Variants in QSER1 observed in about 807,000 individuals in gnomAD.
The protein encoded by QSER1 is glutamine and serine rich 1.
A neutral mutation model predicts 158.5 loss-of-function variants in QSER1; 49 were observed. That is an observed-to-expected ratio of 0.31 (90% CI 0.25 to 0.39). The LOEUF (loss-of-function observed/expected upper bound fraction) is 0.39. Among genes scored for constraint, QSER1 ranks in the 10% least tolerant of loss-of-function variants. The pLI is 1.00. For synonymous variants in QSER1, 650 were observed against 715.5 expected, an observed-to-expected ratio of 0.91 and a Z score of 1.46; for missense variants, 1,754 against 2,010.3, an observed-to-expected ratio of 0.87 and a Z score of 2.44.
intron 3 of QSER1, among the ~76,000 whole-genome samples, chr11:32,929,065 T>C (rs955252136): frequency 6.6e-6 from 1 of 152,128 alleles, no homozygotes; most frequent in Non-Finnish European, 1.5e-5. Context: ...TTTTTACTCT[T>C]GTATAGTTTG....
chr11:32,893,990 C>T lies in QSER1; in HGVS notation c.209+656C>T, dbSNP rs372474384. Reference sequence around the variant, plus strand: ...CGCGTTCAAAGTTGCTCTTAGGTTTCCTCCCCTTTTAACAACAGCAGGAAG... The same window carrying T: ...CGCGTTCAAAGTTGCTCTTAGGTTTTCTCCCCTTTTAACAACAGCAGGAAG... On this transcript the variant is annotated intron_variant, in intron 1 of 12. Coordinates refer to ENST00000650167, the MANE Select transcript of QSER1 (RefSeq NM_001076786.3). This position sits in a 1 kb window ranked among gnomAD's most constrained non-coding sequence, Gnocchi z 4.7. Among the ~76,000 whole-genome samples, 2 of 152,084 alleles carry T rather than the reference C, an allele frequency of 1.3e-5. No homozygotes were observed. Among genetic ancestry groups the T allele is most frequent in the Non-Finnish European group, 2.9e-5 (2 of 68,018 alleles).
intron 8 of QSER1, among the ~76,000 whole-genome samples, chr11:32,965,812 G>A (rs1852731538): frequency 6.6e-6 from 1 of 152,066 alleles, no homozygotes; most frequent in East Asian, 1.9e-4. Flanking sequence ...ATGGTGGTGT[G>A]TACCTATAAT....
intron 1 of QSER1, among the ~76,000 whole-genome samples, chr11:32,922,714 A>G (rs1851914626): frequency 6.6e-6 from 1 of 151,482 alleles, no homozygotes; most frequent in Admixed American, 6.6e-5. Flanking sequence ...TGAACTCCTG[A>G]CTTCAAGCGA....
In QSER1 at chr11:32,932,108, G is replaced by A; in HGVS notation, c.850G>A (p.Ala284Thr). ...LQPQFSLLPS[A>T]LGGSQQTPQA... ...ACCTCAATTTAGTTTGTTGCCTTCA[G>A]CACTTGGGGGATCCCAGCAGACTCC... Residue 284 changes from alanine (A) to threonine (T), a missense_variant, in exon 4 of 13, where the codon GCA becomes ACA. This residue lies in a region of QSER1 where 1,707 missense variants were observed against 1,919.6 expected (regional missense o/e 0.89). Coordinates refer to ENST00000650167, the MANE Select transcript of QSER1 (RefSeq NM_001076786.3). 1 of 1,614,124 alleles carries A rather than the reference G, an allele frequency of 6.2e-7. No homozygotes were observed. The highest frequency in any genetic ancestry group is 8.5e-7 in the Non-Finnish European group (1 of 1,180,024).
At chr11:32,959,589 C>T (rs1057289556) in intron 8 of QSER1, among the ~76,000 whole-genome samples, 1 of 152,040 alleles carries the variant, frequency 6.6e-6, no homozygotes, top group Admixed American at 6.5e-5. Context: ...GTAATTTTGG[C>T]AGAACTTGAA....
At chr11:32,926,194 AAGTT>A (rs752191463) in intron 1 of QSER1, 5 of 151,888 alleles carry the variant, frequency 3.3e-5, no homozygotes, top group Admixed American at 2.0e-4. Flanking sequence ...CACTGATACT[AAGTT>A]AGAGAAATAA....
intron 5 of QSER1, among the ~76,000 whole-genome samples, chr11:32,954,683 T>C (rs1413060123): frequency 1.3e-5 from 2 of 152,140 alleles, no homozygotes; most frequent in Non-Finnish European, 2.9e-5. Flanking sequence ...TTTTTTGCCT[T>C]TTTATGTATT....
chr11:32,969,142 A>G lies in QSER1; in HGVS notation c.5204A>G (p.Lys1735Arg), dbSNP rs1852804284. The stretch of plus-strand genomic sequence containing the variant: ...AATCTTCATTTGGATCAATCATTCA[A>G]GGTATTTCCTTCTGATGACTTATTA... ...LLNLHLDQSF[K>R]NALESFPELT... The change falls in exon 10 of 13, where the codon AAG (lysine) becomes AGG (arginine). Residue 1735 changes from lysine (K) to arginine (R), a missense_variant and splice_region_variant. Transcript: ENST00000650167. 1 of 1,564,170 alleles carries G rather than the reference A, an allele frequency of 6.4e-7. No homozygotes were observed. Among genetic ancestry groups the G allele is most frequent in the Non-Finnish European group, 8.7e-7 (1 of 1,143,892 alleles).
intron 4 of QSER1, among the ~76,000 whole-genome samples, chr11:32,952,592 A>G (rs934236824): frequency 6.6e-6 from 1 of 152,080 alleles, no homozygotes; most frequent in Admixed American, 6.6e-5. Context: ...TGGTTTTGGT[A>G]TTGGAATAAT....
chr11:32,935,216 C>G lies in QSER1; in HGVS notation c.3958C>G (p.Pro1320Ala). The G allele has an allele frequency of 1.2e-6, 2 of 1,613,940 alleles. No homozygotes were observed. The highest frequency in any genetic ancestry group is 2.7e-5 in the African/African-American group (2 of 75,046). The change falls in exon 4 of 13, where the codon CCA becomes GCA. Residue 1320 changes from proline to alanine, a missense_variant. Around this residue, in one of 2 missense-constraint regions of QSER1, gnomAD observed 1,707 missense variants for 1,919.6 expected, o/e 0.89. Transcript: ENST00000650167. Reference sequence around the variant, plus strand: ...GATGGTTCGTACATTTTGTCCCCCACCACTTCCCAAGCCTTCATCTACAAC... The same window carrying G: ...GATGGTTCGTACATTTTGTCCCCCAGCACTTCCCAAGCCTTCATCTACAAC... Reference protein sequence around the residue: ...TQMVRTFCPPPLPKPSSTTPT... With the variant: ...TQMVRTFCPPALPKPSSTTPT...
At chr11:32,917,382 C>T (rs1851846196) in intron 1 of QSER1, among the ~76,000 whole-genome samples, 1 of 152,102 alleles carries the variant, frequency 6.6e-6, no homozygotes, top group Non-Finnish European at 1.5e-5. Flanking sequence ...AGTAGAGTTG[C>T]TGGGCCATGT....
rs138264794 is a variant in QSER1, at chr11:32,953,314, G to A, written c.4178-543G>A. ...TGAAGAGTCACAGTTTTGGTTGGCC[G>A]ACCCTTCCTTATCTTCTATCACTTT... On this transcript the variant is annotated intron_variant, in intron 4 of 12. Transcript: ENST00000650167. 9.1e-3 allele frequency among the ~76,000 whole-genome samples: 1,371 copies of A among 150,798 alleles called. 3 individuals are homozygous for A. The highest frequency in any genetic ancestry group is 0.017 in the Middle Eastern group (5 of 294).
At chr11:32,895,568 A>G (rs1851544154) in intron 1 of QSER1, among the ~76,000 whole-genome samples, 1 of 152,224 alleles carries the variant, frequency 6.6e-6, no homozygotes, top group Non-Finnish European at 1.5e-5. Context: ...CATAATGCAC[A>G]TATCAGTTGA....
At chr11:32,951,791 C>T (rs1259954315) in intron 4 of QSER1, among the ~76,000 whole-genome samples, 1 of 149,622 alleles carries the variant, frequency 6.7e-6, no homozygotes, top group Non-Finnish European at 1.5e-5. Flanking sequence ...TGCAATCTTG[C>T]TGAACTCATT....
intron 4 of QSER1, among the ~76,000 whole-genome samples, chr11:32,944,752 C>A (rs1852300462): frequency 7.3e-6 from 1 of 137,084 alleles, no homozygotes; most frequent in African/African-American, 2.8e-5. Flanking sequence ...TCTATTAGGT[C>A]CACTTGGTGC....
In QSER1 at chr11:32,979,193, T is replaced by G. The variant is rs930925219; in HGVS notation, c.*2719T>G. ...CGGCGCATGACTATAAATACCTAGC[T>G]GGTTAGCATTTACATTCCTTGCCAG... On this transcript the variant is annotated 3_prime_UTR_variant, in exon 13 of 13. Transcript: ENST00000650167. The G allele has an allele frequency of 6.6e-6, 1 of 152,656 alleles. No homozygotes were observed. Among genetic ancestry groups the G allele is most frequent in the Non-Finnish European group, 1.5e-5 (1 of 68,030 alleles). The allele number at this position is 152,656 out of a possible 1,614,324, so 9.5% of individuals were successfully genotyped here. A position where few individuals can be genotyped will look rare whatever the true frequency, so the allele number is the denominator to read the frequency against.
rs1443418829 is a variant in QSER1, at chr11:32,976,763, G to C, written c.*289G>C. ...TTTTCAGAAACATTTTTTGACAAAT[G>C]ATGAAGCATGCACTAAGTATAATTT... On this transcript the variant is annotated 3_prime_UTR_variant, in exon 13 of 13. Transcript: ENST00000650167. 3 of 298,358 alleles carry C rather than the reference G, an allele frequency of 1.0e-5. No individual in the cohort carries two copies. The Admixed American group carries it at 1.7e-4, about 17-fold the overall frequency. 18.5% of individuals were successfully genotyped at this position (298,358 alleles called of 1,614,324 possible). A position where few individuals can be genotyped will look rare whatever the true frequency, so the allele number is the denominator to read the frequency against.
chr11:32,914,133 T>TA (rs1564928313), intron 1 of QSER1, among the ~76,000 whole-genome samples: 1 of 152,228 alleles, frequency 6.6e-6, no homozygotes, highest in Admixed American at 6.5e-5. Flanking sequence ...TCAGTGGACT[T>TA]AGTGTTTATT....
chr11:32,919,395 T>G (rs1851873208), intron 1 of QSER1, among the ~76,000 whole-genome samples: 1 of 152,236 alleles, frequency 6.6e-6, no homozygotes, highest in Non-Finnish European at 1.5e-5. Context: ...ACCTTCACAG[T>G]TTTCAGAAGT....
Sources: allele counts gnomAD v4.1 joint callset (sites outside exome capture counted in the v4.1 genomes callset), GRCh38; gene constraint gnomAD v4.1.1; regional missense constraint gnomAD v4.1.1; non-coding constraint Gnocchi (gnomAD v3.1); transcripts MANE v1.5; gene names NCBI Gene and HGNC (gene_info 2026-07-23, HGNC 2026-07-21).